Variants in VTI1A observed in about 807,000 individuals in gnomAD.
The protein encoded by VTI1A is vesicle transport through interaction with t-SNAREs 1A.
In VTI1A, 22 loss-of-function variants were observed where a neutral mutation model predicts 34.9. The observed-to-expected ratio is 0.63, with a 90% CI of 0.45 to 0.90. The LOEUF (loss-of-function observed/expected upper bound fraction) is 0.90, where lower values mean the gene tolerates loss of function less well. Among genes scored for constraint, VTI1A ranks in the 40% least tolerant of loss-of-function variants. The probability of loss-of-function intolerance (pLI) is 0.00; values close to 1 mark genes in which losing one functional copy is unlikely to be tolerated. For synonymous variants in VTI1A, 87 were observed against 97.3 expected, an observed-to-expected ratio of 0.89 and a Z score of 0.62; for missense variants, 268 against 275.6, an observed-to-expected ratio of 0.97 and a Z score of 0.20.
intron 5 of VTI1A, among the ~76,000 whole-genome samples, chr10:112,651,381 G>A (rs1039704336): frequency 4.6e-5 from 7 of 152,118 alleles, no homozygotes; most frequent in African/African-American, 1.2e-4. Flanking sequence ...TGCGATCTCC[G>A]CTTACCACAA....
intron 7 of VTI1A, among the ~76,000 whole-genome samples, chr10:112,712,482 A>T (rs1164427043): frequency 4.7e-5 from 7 of 150,498 alleles, no homozygotes; most frequent in Admixed American, 2.7e-4. Flanking sequence ...TATCACACAC[A>T]CACACACACA....
At chr10:112,690,577 G>A (rs1848579191) in intron 7 of VTI1A, among the ~76,000 whole-genome samples, 1 of 152,098 alleles carries the variant, frequency 6.6e-6, no homozygotes, top group Non-Finnish European at 1.5e-5. Context: ...CATATAGCAG[G>A]GTGTGACAGT....
chr10:112,638,929 T>G (rs1235475670), intron 5 of VTI1A, among the ~76,000 whole-genome samples: 1 of 151,968 alleles, frequency 6.6e-6, no homozygotes, highest in Non-Finnish European at 1.5e-5. Context: ...AATTATGACA[T>G]TGAAGCAAAA....
chr10:112,617,383 A>T (rs1429583685), intron 5 of VTI1A, among the ~76,000 whole-genome samples: 1 of 152,142 alleles, frequency 6.6e-6, no homozygotes, highest in Non-Finnish European at 1.5e-5. Flanking sequence ...TTTTTAAAAG[A>T]AGTACTTCAG....
At chr10:112,800,431 G>T (rs1852838256) in intron 7 of VTI1A, among the ~76,000 whole-genome samples, 1 of 152,248 alleles carries the variant, frequency 6.6e-6, no homozygotes, top group Non-Finnish European at 1.5e-5. Context: ...GCATGTGGGG[G>T]TACAGCCAGA....
chr10:112,587,768 A>T (rs1341559462), intron 5 of VTI1A, among the ~76,000 whole-genome samples: 1 of 152,158 alleles, frequency 6.6e-6, no homozygotes, highest in Non-Finnish European at 1.5e-5. Context: ...TAAGATTTTC[A>T]TAAAGGTTTT....
At chr10:112,571,875 A>C (rs1011694290) in intron 5 of VTI1A, among the ~76,000 whole-genome samples, 3 of 152,198 alleles carry the variant, frequency 2.0e-5, no homozygotes, top group African/African-American at 7.2e-5. Context: ...ATCCTAAATG[A>C]ACACAGAAAC....
intron 7 of VTI1A, among the ~76,000 whole-genome samples, chr10:112,776,580 C>G (rs1851961525): frequency 6.6e-6 from 1 of 152,154 alleles, no homozygotes; most frequent in Non-Finnish European, 1.5e-5. Flanking sequence ...TCCCTACCTC[C>G]TCATCCCCCA....
rs1853551092 is a variant in VTI1A at position 112,817,270 on chromosome 10, AC to A, written c.*1888del. 8.6e-6 allele frequency: 2 copies of A among 232,222 alleles called. No homozygotes were observed. Among genetic ancestry groups the A allele is most frequent in the Admixed American group, 1.1e-4 (2 of 17,756 alleles). 14.4% of individuals were successfully genotyped at this position (232,222 alleles called of 1,614,324 possible). ...TAACCAGTTACCAGCTGCACTTCGC[AC>A]GGCCATCCCGTCCACAATGCAGCAG... On this transcript the variant is annotated 3_prime_UTR_variant, in exon 8 of 8. Transcript: ENST00000393077.
At chr10:112,540,072 T>C (rs1850806114) in intron 5 of VTI1A, among the ~76,000 whole-genome samples, 1 of 152,182 alleles carries the variant, frequency 6.6e-6, no homozygotes, top group South Asian at 2.1e-4. Flanking sequence ...GGGGGTCTTC[T>C]CGTCGTGACA....
intron 3 of VTI1A, among the ~76,000 whole-genome samples, chr10:112,517,358 A>G (rs1389031662): frequency 1.3e-5 from 2 of 152,082 alleles, no homozygotes; most frequent in Non-Finnish European, 2.9e-5. Context: ...ATAACCCAGA[A>G]TATAATAAAT....
chr10:112,659,710 GACAC>G (rs141053671), intron 5 of VTI1A, among the ~76,000 whole-genome samples: 2 of 151,620 alleles, frequency 1.3e-5, no homozygotes, highest in African/African-American at 4.8e-5. Flanking sequence ...CACGCACGCA[GACAC>G]ACACACACAC....
chr10:112,739,629 T>C (rs1049799388), intron 7 of VTI1A, among the ~76,000 whole-genome samples: 2 of 152,254 alleles, frequency 1.3e-5, no homozygotes, highest in African/African-American at 4.8e-5. Flanking sequence ...GCAAAGAATG[T>C]GCCCTTGTCT....
intron 5 of VTI1A, among the ~76,000 whole-genome samples, chr10:112,569,171 G>T (rs1194483418): frequency 6.6e-6 from 1 of 151,496 alleles, no homozygotes; most frequent in African/African-American, 2.4e-5. Flanking sequence ...AAAAAGCTAT[G>T]GGAAAAAAGG....
At chr10:112,585,644 A>G (rs1168605835) in intron 5 of VTI1A, among the ~76,000 whole-genome samples, 1 of 150,506 alleles carries the variant, frequency 6.6e-6, no homozygotes, top group African/African-American at 2.5e-5. Flanking sequence ...ACAGAGAAAC[A>G]ACAAAAGATT....
rs543773868 is a variant in VTI1A, at chr10:112,627,679, A to G, written c.428-40539A>G. ...TGTGCATATATTCATATTTACATTTATAATGAGATTATTTATTCAACAAAT... is the reference window on the plus strand; with the variant it reads ...TGTGCATATATTCATATTTACATTTGTAATGAGATTATTTATTCAACAAAT... On this transcript the variant is annotated intron_variant, in intron 5 of 7. Coordinates refer to ENST00000393077, the MANE Select transcript of VTI1A (RefSeq NM_145206.4). Among the ~76,000 whole-genome samples the G allele has an allele frequency of 3.3e-5, 5 of 152,330 alleles. No homozygotes were observed. The East Asian group carries it at 9.6e-4, about 29-fold the overall frequency.
chr10:112,536,680 A>C (rs1438875422), intron 4 of VTI1A, among the ~76,000 whole-genome samples: 1 of 151,740 alleles, frequency 6.6e-6, no homozygotes, highest in Non-Finnish European at 1.5e-5. Flanking sequence ...CTGTTGTTGC[A>C]GCTTCCTGAC....
the VTI1A span, among the ~76,000 whole-genome samples, chr10:112,843,909 T>C: frequency 1.3e-5 from 2 of 152,092 alleles, no homozygotes; most frequent in Admixed American, 6.5e-5. Context: ...TTACTTCCCC[T>C]CTCTGTACCT....
intron 5 of VTI1A, among the ~76,000 whole-genome samples, chr10:112,608,145 ACACT>A (rs1349018427): frequency 1.3e-5 from 2 of 152,208 alleles, no homozygotes; most frequent in Admixed American, 6.5e-5. Context: ...TGTGACACAG[ACACT>A]CACGTTACAG....
Sources: gnomAD v4.1 joint callset for allele counts (sites outside exome capture counted in the v4.1 genomes callset) on GRCh38, gnomAD v4.1.1 for gene constraint, MANE v1.5 for transcripts, NCBI Gene and HGNC (gene_info 2026-07-23, HGNC 2026-07-21) for gene names.